Variants in MMP16 observed in about 807,000 individuals in gnomAD.
The protein encoded by MMP16 is matrix metalloproteinase-16.
A neutral mutation model predicts 67.8 loss-of-function variants in MMP16; 12 were observed. The observed-to-expected ratio is 0.18, with a 90% CI of 0.11 to 0.29. MMP16 has a LOEUF of 0.29. Ranked by LOEUF, MMP16 falls within the 10% of genes least tolerant of loss-of-function variation. The pLI is 1.00. For synonymous variants in MMP16, 249 were observed against 255.9 expected (o/e 0.97, Z 0.26); for missense variants, 475 against 765.7 (o/e 0.62, Z 4.48).
At chr8:88,274,725 GTTCT>G (rs1296892453) in intron 1 of MMP16, among the ~76,000 whole-genome samples, 3 of 151,874 alleles carry the variant, frequency 2.0e-5, no homozygotes, top group African/African-American at 7.2e-5. Flanking sequence ...GTTCATCTGT[GTTCT>G]TTAAGAAAGG....
At chr8:88,187,003 T>C (rs966158170) in intron 2 of MMP16, among the ~76,000 whole-genome samples, 2 of 152,182 alleles carry the variant, frequency 1.3e-5, no homozygotes, top group African/African-American at 2.4e-5. Context: ...CATTCAAAGA[T>C]TATTCTAATC....
rs1269663113 is a variant in MMP16 at position 88,327,378 on chromosome 8, C to T, written c.-172G>A. On this transcript the variant is annotated 5_prime_UTR_variant, in exon 1 of 10. Coordinates refer to ENST00000286614, the MANE Select transcript of MMP16 (RefSeq NM_005941.5). The stretch of plus-strand genomic sequence containing the variant: ...GACAGGGGCCCCGCGCTCGGCAGCC[C>T]CCGAGAGGCAGCGGCGAAGACAGGG... 1.3e-5 allele frequency: 9 copies of T among 689,766 alleles called. No homozygotes were observed. The highest frequency in any genetic ancestry group is 8.6e-5 in the East Asian group (3 of 34,976). The allele number at this position is 689,766 out of a possible 1,614,324, so 42.7% of individuals were successfully genotyped here.
chr8:88,205,923 C>T (rs1001955555), intron 1 of MMP16, among the ~76,000 whole-genome samples: 3 of 151,908 alleles, frequency 2.0e-5, no homozygotes, highest in Admixed American at 6.6e-5. Flanking sequence ...ATTCTTTTTT[C>T]TTTTACCTCA....
chr8:88,144,452 T>C (rs1341631321), intron 4 of MMP16, among the ~76,000 whole-genome samples: 1 of 151,816 alleles, frequency 6.6e-6, no homozygotes, highest in Admixed American at 6.6e-5. Context: ...TATGTATATG[T>C]GTGTGTATGT....
intron 1 of MMP16, among the ~76,000 whole-genome samples, chr8:88,248,011 T>A (rs1810147023): frequency 6.6e-6 from 1 of 152,050 alleles, no homozygotes; most frequent in Admixed American, 6.6e-5. Context: ...AAGGTGTGGA[T>A]ATTTTTGAAA....
intron 6 of MMP16, among the ~76,000 whole-genome samples, chr8:88,100,936 T>G (rs576963174): frequency 6.9e-6 from 1 of 144,214 alleles, no homozygotes; most frequent in East Asian, 2.2e-4. Context: ...ATGAGAACAC[T>G]TGGACACAGG....
intron 1 of MMP16, among the ~76,000 whole-genome samples, chr8:88,235,967 G>T (rs910338850): frequency 6.6e-6 from 1 of 151,558 alleles, no homozygotes. Flanking sequence ...CAAGGATCAA[G>T]AACATAACTC....
chr8:88,256,810 C>G (rs1253049551), intron 1 of MMP16, among the ~76,000 whole-genome samples: 1 of 152,036 alleles, frequency 6.6e-6, no homozygotes, highest in Admixed American at 6.6e-5. Flanking sequence ...ATTTTATGAT[C>G]AGGTTTTCCT....
At chr8:88,255,251 T>A (rs1264395629) in intron 1 of MMP16, among the ~76,000 whole-genome samples, 1 of 152,180 alleles carries the variant, frequency 6.6e-6, no homozygotes, top group Non-Finnish European at 1.5e-5. Context: ...GCACCTGTTC[T>A]ATCTCTGTCT....
intron 1 of MMP16, among the ~76,000 whole-genome samples, chr8:88,262,785 A>G (rs1048910406): frequency 2.7e-5 from 4 of 147,686 alleles, no homozygotes; most frequent in Non-Finnish European, 4.5e-5. Context: ...GGTGAATCAC[A>G]AGGTCAGGAG....
intron 6 of MMP16, among the ~76,000 whole-genome samples, chr8:88,077,357 C>A (rs981203526): frequency 1.1e-4 from 17 of 152,148 alleles, no homozygotes; most frequent in African/African-American, 3.9e-4. Flanking sequence ...AAAATGCTAT[C>A]TAGGTCTCTG....
chr8:88,089,293 T>A (rs1808894249), intron 6 of MMP16, among the ~76,000 whole-genome samples: 1 of 152,044 alleles, frequency 6.6e-6, no homozygotes, highest in Non-Finnish European at 1.5e-5. Flanking sequence ...AGTTAATACG[T>A]ATCACACAAA....
chr8:88,100,266 A>T (rs555299984), intron 6 of MMP16, among the ~76,000 whole-genome samples: 2 of 152,124 alleles, frequency 1.3e-5, no homozygotes, highest in South Asian at 4.1e-4. Flanking sequence ...CAAAGAACTC[A>T]CACAAATTTA....
At chr8:88,203,017 A>G (rs1168811376) in intron 1 of MMP16, among the ~76,000 whole-genome samples, 2 of 152,146 alleles carry the variant, frequency 1.3e-5, no homozygotes, top group Non-Finnish European at 1.5e-5. Flanking sequence ...CACCAAAAAT[A>G]CAAAAAAGAA....
At chr8:88,202,973 C>G (rs1319508014) in intron 1 of MMP16, among the ~76,000 whole-genome samples, 1 of 152,020 alleles carries the variant, frequency 6.6e-6, no homozygotes, top group Non-Finnish European at 1.5e-5. Flanking sequence ...CTCAACTCGC[C>G]TTTATTTACT....
chr8:88,214,279 A>G (rs1188652553), intron 1 of MMP16, among the ~76,000 whole-genome samples: 2 of 152,202 alleles, frequency 1.3e-5, no homozygotes, highest in African/African-American at 4.8e-5. Context: ...CAGGCAAAAC[A>G]TAGCCCAGTC....
chr8:88,223,980 A>G (rs1331291503), intron 1 of MMP16, among the ~76,000 whole-genome samples: 2 of 152,056 alleles, frequency 1.3e-5, no homozygotes, highest in African/African-American at 4.8e-5. Flanking sequence ...TAGGAGAGCC[A>G]AAGATGCACA....
intron 7 of MMP16, among the ~76,000 whole-genome samples, chr8:88,060,598 G>A (rs947560634): frequency 2.6e-5 from 4 of 151,976 alleles, no homozygotes; most frequent in Admixed American, 6.6e-5. Context: ...AGCTTAGCAC[G>A]ATTTCTCTGA....
At chr8:88,281,970 TCC>T (rs1435317906) in intron 1 of MMP16, among the ~76,000 whole-genome samples, 1 of 152,012 alleles carries the variant, frequency 6.6e-6, no homozygotes, top group Non-Finnish European at 1.5e-5. Flanking sequence ...TTCAAATACT[TCC>T]TTCCTGTTCT....
Sources: gnomAD v4.1 joint callset for allele counts (sites outside exome capture counted in the v4.1 genomes callset) on GRCh38, gnomAD v4.1.1 for gene constraint, MANE v1.5 for transcripts, NCBI Gene and HGNC (gene_info 2026-07-23, HGNC 2026-07-21) for gene names.